DGCR2: variants seen among roughly 807,000 people sequenced by gnomAD.
The protein encoded by DGCR2 is DiGeorge syndrome critical region gene 2, also known as integral membrane protein DGCR2/IDD.
DGCR2 carries 24 observed loss-of-function variants against 51.6 expected under a neutral mutation model. The observed-to-expected ratio is 0.47, with a 90% CI of 0.34 to 0.65. The LOEUF (loss-of-function observed/expected upper bound fraction) is 0.65. Among genes scored for constraint, DGCR2 ranks in the 30% least tolerant of loss-of-function variants. DGCR2 has a pLI of 0.01. For missense variants in DGCR2, 765 were observed against 772.1 expected (o/e 0.99, Z 0.11); for synonymous variants, 340 against 315.4 (o/e 1.08, Z -0.82).
intron 2 of DGCR2, among the ~76,000 whole-genome samples, chr22:19,076,339 AT>A: frequency 6.7e-6 from 1 of 149,222 alleles, no homozygotes. Flanking sequence ...TTTTTTTTAT[AT>A]TTTTGGTAGA....
chr22:19,049,418 C>A (rs1381229520), intron 6 of DGCR2, among the ~76,000 whole-genome samples: 1 of 152,098 alleles, frequency 6.6e-6, no homozygotes, highest in Non-Finnish European at 1.5e-5. Flanking sequence ...GAGCCACCCT[C>A]AGTGAAAGGC....
At chr22:19,070,463 T>C (rs903101996) in intron 2 of DGCR2, among the ~76,000 whole-genome samples, 2 of 152,184 alleles carry the variant, frequency 1.3e-5, no homozygotes, top group African/African-American at 4.8e-5. Flanking sequence ...TCCTGGCCTC[T>C]TCCCCAAGCC....
intron 2 of DGCR2, among the ~76,000 whole-genome samples, chr22:19,084,956 A>G (rs962879235): frequency 1.3e-5 from 2 of 152,208 alleles, no homozygotes; most frequent in African/African-American, 2.4e-5. Flanking sequence ...AGAACGGGCC[A>G]TGATGACAAT....
At chr22:19,060,427 C>G (rs996887425) in intron 5 of DGCR2, 3 of 153,972 alleles carry the variant, frequency 1.9e-5, no homozygotes, top group Non-Finnish European at 4.3e-5. Context: ...CTGCAATGTG[C>G]GTGCTGAGAC....
At chr22:19,096,170 ACTT>A (rs2083137743) in intron 1 of DGCR2, among the ~76,000 whole-genome samples, 2 of 151,204 alleles carry the variant, frequency 1.3e-5, no homozygotes, top group South Asian at 2.1e-4. Flanking sequence ...AAAATTTCTA[ACTT>A]CTTATTATTT....
intron 1 of DGCR2, among the ~76,000 whole-genome samples, chr22:19,114,152 GAAAA>G (rs74403708): frequency 5.2e-5 from 6 of 114,908 alleles, no homozygotes; most frequent in Non-Finnish European, 5.9e-5. Flanking sequence ...GTTACCAAAG[GAAAA>G]AAAAAAAAAA....
intron 7 of DGCR2, chr22:19,046,257 T>C (rs1055901190): frequency 6.6e-6 from 1 of 152,188 alleles, no homozygotes; most frequent in Non-Finnish European, 1.5e-5. Context: ...TATAATTGGG[T>C]ATTTCATTTT....
At chr22:19,104,386 C>A (rs62221753) in intron 1 of DGCR2, among the ~76,000 whole-genome samples, 48,029 of 152,002 alleles carry the variant, frequency 0.32, 9,010 homozygotes, top group African/African-American at 0.52. Flanking sequence ...TGTTTCAAGG[C>A]TGTCTCAAAC....
chr22:19,121,431 G>C (rs1205020946), intron 1 of DGCR2: 1 of 152,144 alleles, frequency 6.6e-6, no homozygotes, highest in Non-Finnish European at 1.5e-5. Context: ...CAGTTCAAGG[G>C]GAGGTACACC....
At position 19,037,138 on chromosome 22, in the gene DGCR2, C is replaced by CTCT. The variant is rs1569029743; in HGVS notation, c.*1726_*1727insAGA. 3 of 152,096 alleles carry CTCT rather than the reference C, an allele frequency of 2.0e-5. No homozygotes were observed. Among genetic ancestry groups the CTCT allele is most frequent in the Non-Finnish European group, 4.4e-5 (3 of 68,042 alleles). 9.4% of individuals were successfully genotyped at this position (152,096 alleles called of 1,614,324 possible). A position where few individuals can be genotyped will look rare whatever the true frequency, so the allele number is the denominator to read the frequency against. ...GTCCTCTGCAGCCAGTAGGGGACTC[C>CTCT]TGTGGCCAGGACTTCCTTGTTAAGT... On this transcript the variant is annotated 3_prime_UTR_variant, in exon 10 of 10. Transcript: ENST00000263196.
chr22:19,062,776 CTCACTCTCTCTCTCTCTCTCT>C (rs2082687193), intron 5 of DGCR2, among the ~76,000 whole-genome samples: 2 of 123,202 alleles, frequency 1.6e-5, no homozygotes, highest in South Asian at 5.5e-4. Flanking sequence ...CACATGCATG[CTCACTCTCTCTCTCTCTCTCT>C]CTCTCTCTCT....
chr22:19,116,829 T>C (rs2083378106), intron 1 of DGCR2, among the ~76,000 whole-genome samples: 1 of 151,896 alleles, frequency 6.6e-6, no homozygotes, highest in Admixed American at 6.6e-5. Flanking sequence ...AGTCAATAAC[T>C]AGATCACCTG....
intron 1 of DGCR2, among the ~76,000 whole-genome samples, chr22:19,120,316 C>T (rs1452381717): frequency 1.3e-5 from 2 of 152,212 alleles, no homozygotes; most frequent in Non-Finnish European, 2.9e-5. Flanking sequence ...CTGTGACGCC[C>T]TCACTGCTTC....
intron 2 of DGCR2, among the ~76,000 whole-genome samples, chr22:19,077,413 TCC>T (rs1484751735): frequency 9.2e-5 from 14 of 152,364 alleles, no homozygotes; most frequent in Admixed American, 5.9e-4. Context: ...TGTCCAGTTT[TCC>T]TAGCACCATT....
chr22:19,079,787 G>A (rs1402131855), intron 2 of DGCR2, among the ~76,000 whole-genome samples: 7 of 152,256 alleles, frequency 4.6e-5, no homozygotes, highest in Admixed American at 3.9e-4. Flanking sequence ...ATTTAACCAC[G>A]ATATGACATA....
intron 5 of DGCR2, among the ~76,000 whole-genome samples, chr22:19,062,572 G>C (rs971225821): frequency 6.6e-6 from 1 of 152,184 alleles, no homozygotes; most frequent in Non-Finnish European, 1.5e-5. Flanking sequence ...GGGCAAGGGA[G>C]TGTGACCCTG....
At chr22:19,086,868 A>G (rs1039483907) in intron 2 of DGCR2, among the ~76,000 whole-genome samples, 1 of 152,224 alleles carries the variant, frequency 6.6e-6, no homozygotes, top group African/African-American at 2.4e-5. Context: ...GCCTTCAACA[A>G]GTCTTCAGAG....
At chr22:19,087,217 C>G (rs1375452766) in intron 2 of DGCR2, among the ~76,000 whole-genome samples, 8 of 152,072 alleles carry the variant, frequency 5.3e-5, no homozygotes, top group Admixed American at 5.2e-4. Context: ...TGGGCTTTGA[C>G]CCCAAAGACC....
At chr22:19,113,664 G>C (rs534694961) in intron 1 of DGCR2, among the ~76,000 whole-genome samples, 2 of 152,180 alleles carry the variant, frequency 1.3e-5, no homozygotes, top group African/African-American at 4.8e-5. Flanking sequence ...AAGGCGACAC[G>C]CTCCCATCCT....
Sources: allele counts gnomAD v4.1 joint callset (sites outside exome capture counted in the v4.1 genomes callset), GRCh38; gene constraint gnomAD v4.1.1; transcripts MANE v1.5; gene names NCBI Gene and HGNC (gene_info 2026-07-23, HGNC 2026-07-21).